Variants in APOO observed in about 807,000 individuals in gnomAD.
The protein encoded by APOO is MICOS complex subunit MIC26.
A neutral mutation model predicts 23.1 loss-of-function variants in APOO; 11 were observed. The observed-to-expected ratio is 0.48, with a 90% confidence interval of 0.30 to 0.79. The LOEUF (loss-of-function observed/expected upper bound fraction) is 0.79, where lower values mean the gene tolerates loss of function less well. Ranked by LOEUF, APOO falls within the 30% of genes least tolerant of loss-of-function variation. APOO has a pLI of 0.07. For synonymous variants in APOO, 59 were observed against 54.8 expected, an observed-to-expected ratio of 1.08 and a Z score of -0.34; for missense variants, 160 against 142.7, an observed-to-expected ratio of 1.12 and a Z score of -0.62.
intron 8 of APOO, among the ~76,000 whole-genome samples, chrX:23,835,093 C>T (rs1260346518): frequency 4.9e-5 from 5 of 101,723 alleles, no homozygotes; most frequent in Admixed American, 1.1e-4. Context: ...CGGAGTTTCA[C>T]TCTTGTTGCC....
chrX:23,848,446 G>A (rs969718285), intron 7 of APOO, among the ~76,000 whole-genome samples: 1 of 111,852 alleles, frequency 8.9e-6, no homozygotes, highest in African/African-American at 3.2e-5. Context: ...TTACAGGCGT[G>A]AGCCACCGTG....
chrX:23,864,760 C>T (rs975233235), intron 5 of APOO, among the ~76,000 whole-genome samples: 8 of 112,113 alleles, frequency 7.1e-5, no homozygotes, highest in African/African-American at 2.6e-4. Context: ...TGTTTCTCTC[C>T]TGATCCTGTT....
At chrX:23,895,442 T>G (rs1266198180) in intron 1 of APOO, among the ~76,000 whole-genome samples, 1 of 111,306 alleles carries the variant, frequency 9.0e-6, no homozygotes, top group Non-Finnish European at 1.9e-5. Flanking sequence ...TAAGTGGGAT[T>G]GAACAATGAT....
intron 7 of APOO, among the ~76,000 whole-genome samples, chrX:23,849,583 TAAAAAAAAAA>T (rs143362355): frequency 4.0e-4 from 13 of 32,604 alleles, no homozygotes; most frequent in African/African-American, 1.7e-3. Context: ...AAGAGAGACT[TAAAAAAAAAA>T]AAAAAAAAAA....
chrX:23,887,229 C>CTTTTTTTTTTTTTTTT (rs765596270), intron 1 of APOO, among the ~76,000 whole-genome samples: 1 of 54,212 alleles, frequency 1.8e-5, no homozygotes, highest in Non-Finnish European at 3.2e-5. Flanking sequence ...TTCTTTTTCC[C>CTTTTTTTTTTTTTTTT]TTTTTTTTTT....
At chrX:23,862,463 TGA>T (rs779820955) in intron 5 of APOO, among the ~76,000 whole-genome samples, 39 of 110,218 alleles carry the variant, frequency 3.5e-4, no homozygotes, top group African/African-American at 1.1e-3. Context: ...GGAAAAAGAA[TGA>T]GAGTAAATTT....
chrX:23,872,316 G>A (rs1925654834), intron 4 of APOO, among the ~76,000 whole-genome samples: 1 of 110,612 alleles, frequency 9.0e-6, no homozygotes, highest in African/African-American at 3.3e-5. Context: ...AGGATTGCTT[G>A]AGCCCAGGAG....
chrX:23,890,519 C>T (rs2106426), intron 1 of APOO, among the ~76,000 whole-genome samples: 1 of 112,343 alleles, frequency 8.9e-6, no homozygotes, highest in African/African-American at 3.2e-5. Context: ...TACAAATGGT[C>T]TCAGACTTAC....
intron 1 of APOO, among the ~76,000 whole-genome samples, chrX:23,905,256 T>C (rs1428099660): frequency 9.1e-6 from 1 of 109,592 alleles, no homozygotes; most frequent in Non-Finnish European, 1.9e-5. Context: ...CCAGGCGTGG[T>C]GGCGGGCGCC....
intron 1 of APOO, among the ~76,000 whole-genome samples, chrX:23,881,694 G>A (rs1926143153): frequency 1.9e-5 from 2 of 104,018 alleles, no homozygotes; most frequent in African/African-American, 7.0e-5. Flanking sequence ...CAGCACTTTG[G>A]AAGGCAGAGG....
chrX:23,856,066 G>GT (rs1040373752), intron 7 of APOO, among the ~76,000 whole-genome samples: 5 of 111,782 alleles, frequency 4.5e-5, no homozygotes, highest in South Asian at 3.6e-4. Context: ...CTAAGACTAC[G>GT]GTGGAATGCA....
At chrX:23,869,684 G>A (rs1426537153) in intron 4 of APOO, among the ~76,000 whole-genome samples, 1 of 105,653 alleles carries the variant, frequency 9.5e-6, no homozygotes, top group Non-Finnish European at 1.9e-5. Context: ...AGGTGCGGTG[G>A]CTCACTCCTG....
intron 5 of APOO, among the ~76,000 whole-genome samples, chrX:23,863,061 T>C (rs1006305262): frequency 8.9e-5 from 10 of 111,905 alleles, no homozygotes; most frequent in African/African-American, 2.3e-4. Context: ...AGGCTGGGCA[T>C]GGTGGCTCAT....
intron 3 of APOO, among the ~76,000 whole-genome samples, chrX:23,874,888 C>T (rs980299545): frequency 1.3e-4 from 15 of 112,020 alleles, no homozygotes; most frequent in Admixed American, 1.3e-3. Context: ...GCAAGAATGA[C>T]CAGCTTTAAT....
intron 1 of APOO, among the ~76,000 whole-genome samples, chrX:23,906,780 T>C (rs1035981090): frequency 2.7e-5 from 3 of 112,239 alleles, no homozygotes; most frequent in Non-Finnish European, 5.6e-5. Flanking sequence ...CAAAGGAAGA[T>C]AGGCACAGTG....
At chrX:23,849,320 C>T (rs1385650794) in intron 7 of APOO, among the ~76,000 whole-genome samples, 1 of 108,763 alleles carries the variant, frequency 9.2e-6, no homozygotes, top group African/African-American at 3.4e-5. Context: ...AAAAACAAAG[C>T]AAAAACCAGA....
chrX:23,858,973 G>T (rs1206336063), intron 5 of APOO, among the ~76,000 whole-genome samples: 1 of 111,416 alleles, frequency 9.0e-6, no homozygotes, highest in Non-Finnish European at 1.9e-5. Context: ...AGGCGTGGTA[G>T]TGTGTGCCTA....
chrX:23,858,614 A>T, intron 6 of APOO, 28 bp downstream of exon 6: 1 of 1,157,119 alleles, frequency 8.6e-7, no homozygotes, highest in South Asian at 1.9e-5. Context: ...AGAATGAGGG[A>T]CATCATGGAT....
At chrX:23,844,639 G>A (rs1466957141) in intron 7 of APOO, among the ~76,000 whole-genome samples, 1 of 111,486 alleles carries the variant, frequency 9.0e-6, no homozygotes, top group African/African-American at 3.3e-5. Context: ...CAATCTAAAT[G>A]AGCAGGAAAG....
Sources: gnomAD v4.1 joint callset for allele counts (sites outside exome capture counted in the v4.1 genomes callset) on GRCh38, gnomAD v4.1.1 for gene constraint, MANE v1.5 for transcripts, NCBI Gene and HGNC (gene_info 2026-07-23, HGNC 2026-07-21) for gene names.